Variants in CDC7 observed in about 807,000 individuals in gnomAD.
CDC7 encodes the protein cell division cycle 7-related protein kinase.
Under a neutral mutation model 53.5 loss-of-function variants are expected in CDC7, and 34 were observed. That is an observed-to-expected ratio of 0.64 (90% CI 0.48 to 0.85). The LOEUF is 0.85. CDC7 is among the 40% of genes least tolerant of loss of function. The pLI is 0.00. For missense variants in CDC7, 594 were observed against 679.7 expected (o/e 0.87, Z 1.40); for synonymous variants, 211 against 222.8 (o/e 0.95, Z 0.47).
intron 4 of CDC7, among the ~76,000 whole-genome samples, chr1:91,509,312 T>A (rs570976984): frequency 9.4e-5 from 14 of 149,398 alleles, no homozygotes; most frequent in African/African-American, 3.0e-4. Context: ...ATTTAACATT[T>A]CCACTTGGTG....
chr1:91,504,934 T>C (rs1666905137), intron 2 of CDC7, among the ~76,000 whole-genome samples: 1 of 152,176 alleles, frequency 6.6e-6, no homozygotes, highest in Non-Finnish European at 1.5e-5. Context: ...CTGTGGTAGT[T>C]AGACAATAGA....
In CDC7 at chr1:91,524,434, G is replaced by A; in HGVS notation, c.1724G>A (p.Ter575=). 1 of 1,594,988 alleles carries A rather than the reference G, an allele frequency of 6.3e-7. No individual in the cohort carries two copies. The highest frequency in any genetic ancestry group is 8.5e-7 in the Non-Finnish European group (1 of 1,174,326). ...LHPFFKDMSL[*] ...CCATTTTTTAAAGATATGAGCTTGT[G>A]ATAATGGATCTTCATTTAATGTTTA... Residue 575 remains the stop codon, a stop_retained_variant, in exon 12 of 12, where the codon TGA becomes TAA. Transcript: ENST00000234626.
At position 91,508,186 on chromosome 1, in the gene CDC7, TAC is replaced by T. The variant is rs1490395065; in HGVS notation, c.200-74_200-73del. 2.5e-6 allele frequency: 3 copies of T among 1,214,510 alleles called. No individual in the cohort carries two copies. In the African/African-American group the frequency reaches 4.6e-5, roughly 19 times the overall value. 75.2% of individuals were successfully genotyped at this position (1,214,510 alleles called of 1,614,324 possible). A position where few individuals can be genotyped will look rare whatever the true frequency, so the allele number is the denominator to read the frequency against. ...TGTATTATGCCATTGAAACAGTTTT[TAC>T]AATCTATCTTAGAATTGTTTCATTA... On this transcript the variant is annotated intron_variant, in intron 3 of 11. Transcript: ENST00000234626.
intron 2 of CDC7, among the ~76,000 whole-genome samples, chr1:91,506,677 C>T (rs930863228): frequency 1.1e-4 from 17 of 152,066 alleles, no homozygotes; most frequent in African/African-American, 2.4e-5. Context: ...TAGCCAGGTG[C>T]GGCGGCTCAC....
At position 91,524,617 on chromosome 1, in the gene CDC7, G is replaced by A; in HGVS notation, c.*182G>A. The A allele has an allele frequency of 3.7e-6, 2 of 545,192 alleles. No individual in the cohort carries two copies. 33.8% of individuals were successfully genotyped at this position (545,192 alleles called of 1,614,324 possible). A position where few individuals can be genotyped will look rare whatever the true frequency, so the allele number is the denominator to read the frequency against. Reference sequence around the variant, plus strand: ...ACTTAAAATGCCTGGGATAGTTCTTGGGACTAACAACATGATCTTCTTTGA... The same window carrying A: ...ACTTAAAATGCCTGGGATAGTTCTTAGGACTAACAACATGATCTTCTTTGA... On this transcript the variant is annotated 3_prime_UTR_variant, in exon 12 of 12. Transcript: ENST00000234626.
At chr1:91,515,913 G>T (rs765903267) in intron 10 of CDC7, 37 bp downstream of exon 10, 4 of 1,478,878 alleles carry the variant, frequency 2.7e-6, no homozygotes, top group East Asian at 4.5e-5. Flanking sequence ...TAGTTAAAAT[G>T]GATTGTTCCA....
At chr1:91,505,248 C>T (rs935585749) in intron 2 of CDC7, among the ~76,000 whole-genome samples, 4 of 152,010 alleles carry the variant, frequency 2.6e-5, no homozygotes, top group African/African-American at 9.7e-5. Flanking sequence ...GCAAGGAGGT[C>T]ATTGTGGCTA....
At position 91,514,735 on chromosome 1, in the gene CDC7, C is replaced by T. The variant is rs13447515; in HGVS notation, c.919-84C>T. 1,708 of 1,014,082 alleles carry T rather than the reference C, an allele frequency of 1.7e-3. 6 individuals are homozygous for T. Among genetic ancestry groups the T allele is most frequent in the Non-Finnish European group, 2.1e-3 (1,494 of 705,764 alleles). The allele number at this position is 1,014,082 out of a possible 1,614,324, so 62.8% of individuals were successfully genotyped here. A position where few individuals can be genotyped will look rare whatever the true frequency, so the allele number is the denominator to read the frequency against. On this transcript the variant is annotated intron_variant, in intron 8 of 11. Coordinates refer to ENST00000234626, the MANE Select transcript of CDC7 (RefSeq NM_003503.4). ...TCAGCAGTTTTTAAAGTTATGCTTC[C>T]GCTATTGCTTTTTGCCATACTAGCA...
At chr1:91,510,130 G>A (rs505438) in intron 4 of CDC7, among the ~76,000 whole-genome samples, 149,776 of 152,082 alleles carry the variant, frequency 0.98, 73,786 homozygotes, top group East Asian at 1. Context: ...TAGGAGGATC[G>A]CTTGAGCCCA....
intron 7 of CDC7, 76 bp downstream of exon 7, chr1:91,513,383 A>G (rs920844141): frequency 3.0e-6 from 4 of 1,343,556 alleles, no homozygotes; most frequent in African/African-American, 3.0e-5. Flanking sequence ...GGGAGATAGA[A>G]TACTAGGATA....
intron 8 of CDC7, among the ~76,000 whole-genome samples, chr1:91,514,560 T>C (rs1033822449): frequency 2.0e-5 from 3 of 152,202 alleles, no homozygotes; most frequent in African/African-American, 7.2e-5. Flanking sequence ...TTCTGTAATA[T>C]ATCAGGAAAA....
At chr1:91,523,265 G>T (rs547625667) in intron 11 of CDC7, among the ~76,000 whole-genome samples, 1 of 152,218 alleles carries the variant, frequency 6.6e-6, no homozygotes, top group Middle Eastern at 3.4e-3. Context: ...AAGGAAAAGG[G>T]GAGGGAAGAG....
At chr1:91,519,256 C>CAAAAAAAAA (rs71087957) in intron 10 of CDC7, among the ~76,000 whole-genome samples, 8 of 60,170 alleles carry the variant, frequency 1.3e-4, no homozygotes, top group South Asian at 8.0e-4. Flanking sequence ...ACTAAAAATA[C>CAAAAAAAAA]AAAAAAAAAA....
chr1:91,515,914 G>A, intron 10 of CDC7, 38 bp downstream of exon 10: 2 of 1,449,572 alleles, frequency 1.4e-6, no homozygotes, highest in Non-Finnish European at 1.9e-6. Flanking sequence ...AGTTAAAATG[G>A]ATTGTTCCAG....
chr1:91,507,405 C>T (rs1449075115), intron 2 of CDC7, among the ~76,000 whole-genome samples: 1 of 152,152 alleles, frequency 6.6e-6, no homozygotes, highest in Non-Finnish European at 1.5e-5. Flanking sequence ...TAGGCCTTCT[C>T]TCTGAAAATA....
At chr1:91,504,507 G>T (rs563185285) in intron 2 of CDC7, among the ~76,000 whole-genome samples, 1 of 152,188 alleles carries the variant, frequency 6.6e-6, no homozygotes, top group African/African-American at 2.4e-5. Context: ...ACTCTATATT[G>T]AAAGTCTCCT....
At chr1:91,515,972 T>C in intron 10 of CDC7, 96 bp downstream of exon 10, 1 of 996,686 alleles carries the variant, frequency 1.0e-6, no homozygotes, top group East Asian at 2.6e-5. Context: ...AATATTTGAG[T>C]TCTTCTGCTT....
At position 91,515,420 on chromosome 1, in the gene CDC7, G is replaced by A. The variant is rs1373990155; in HGVS notation, c.1098-374G>A. Among the ~76,000 whole-genome samples, 5 of 152,010 alleles carry A rather than the reference G, an allele frequency of 3.3e-5. No individual in the cohort carries two copies. In the East Asian group the frequency reaches 9.6e-4, roughly 29 times the overall value. ...TCCTTCAAGGCTTGGCTTTCATAAA[G>A]CCTTTCTTGATTAACTCAAATATAT... On this transcript the variant is annotated intron_variant, in intron 9 of 11. Coordinates refer to ENST00000234626, the MANE Select transcript of CDC7 (RefSeq NM_003503.4).
At chr1:91,508,184 T>C in intron 3 of CDC7, 78 bp from the exon 4 acceptor site, 1 of 1,196,232 alleles carries the variant, frequency 8.4e-7, no homozygotes. Context: ...TGAAACAGTT[T>C]TTACAATCTA....
Sources: allele counts gnomAD v4.1 joint callset (sites outside exome capture counted in the v4.1 genomes callset), GRCh38; gene constraint gnomAD v4.1.1; transcripts MANE v1.5; gene names NCBI Gene and HGNC (gene_info 2026-07-23, HGNC 2026-07-21).